The following CEP128 variants were observed in gnomAD, a reference collection of about 807,000 sequenced individuals.
The protein encoded by CEP128 is centrosomal protein 128kDa.
CEP128 carries 132 observed loss-of-function variants against 156.7 expected under a neutral mutation model. The ratio of observed to expected loss-of-function variants is 0.84; its 90% confidence interval spans 0.73 to 0.97. The LOEUF (loss-of-function observed/expected upper bound fraction) is 0.97. CEP128 is among the 50% of genes least tolerant of loss of function. The pLI, the probability that CEP128 is intolerant of heterozygous loss-of-function variation, is 0.00. For synonymous variants in CEP128, 469 were observed against 448.9 expected (o/e 1.04, Z -0.57); for missense variants, 1,252 against 1,281.9 (o/e 0.98, Z 0.36).
At chr14:80,795,059 T>C (rs929864275) in intron 13 of CEP128, among the ~76,000 whole-genome samples, 1 of 152,198 alleles carries the variant, frequency 6.6e-6, no homozygotes, top group Non-Finnish European at 1.5e-5. Context: ...CTGGAGTTAA[T>C]AACTTGCTCA....
chr14:80,842,704 T>C (rs774013851), intron 9 of CEP128, among the ~76,000 whole-genome samples: 1 of 151,902 alleles, frequency 6.6e-6, no homozygotes, highest in East Asian at 1.9e-4. Context: ...CTTAGACTTA[T>C]ATTAAAACGG....
intron 21 of CEP128, among the ~76,000 whole-genome samples, chr14:80,533,934 G>A (rs2140286798): frequency 6.6e-6 from 1 of 152,128 alleles, no homozygotes; most frequent in African/African-American, 2.4e-5. Context: ...TCACCCAGGG[G>A]AACAAAAGAT....
intron 19 of CEP128, among the ~76,000 whole-genome samples, chr14:80,635,143 C>G (rs1193333254): frequency 7.2e-5 from 11 of 152,186 alleles, no homozygotes; most frequent in Non-Finnish European, 1.5e-4. Context: ...TTCTCAAGAG[C>G]CTTATAGAAA....
chr14:80,885,821 C>T (rs945321105), intron 8 of CEP128, among the ~76,000 whole-genome samples: 14 of 152,046 alleles, frequency 9.2e-5, no homozygotes, highest in African/African-American at 3.4e-4. Flanking sequence ...TGGGTAACAA[C>T]AAATTCCTCT....
chr14:80,497,381 G>T lies in CEP128; in HGVS notation c.*98C>A. 1.3e-6 allele frequency: 1 copy of T among 752,320 alleles called. No individual in the cohort carries two copies. Among genetic ancestry groups the T allele is most frequent in the Non-Finnish European group, 2.2e-6 (1 of 448,344 alleles). 46.6% of individuals were successfully genotyped at this position (752,320 alleles called of 1,614,324 possible). A position where few individuals can be genotyped will look rare whatever the true frequency, so the allele number is the denominator to read the frequency against. On this transcript the variant is annotated 3_prime_UTR_variant, in exon 25 of 25. Transcript: ENST00000555265. ...GCAATACCAAAGAGCCAAAGCTGCA[G>T]GTATGTCTGTTAGATAATCTGGGCC... is the stretch of plus-strand genomic sequence containing the variant.
At chr14:80,485,329 G>T (rs1219646300) in intron 14 of CEP128, among the ~76,000 whole-genome samples, 1 of 151,958 alleles carries the variant, frequency 6.6e-6, no homozygotes, top group Non-Finnish European at 1.5e-5. Context: ...GAGGGTCTTG[G>T]CTCTCTTATT....
chr14:80,622,379 A>T, intron 19 of CEP128, among the ~76,000 whole-genome samples: 1 of 151,442 alleles, frequency 6.6e-6, no homozygotes, highest in South Asian at 2.1e-4. Flanking sequence ...AGGCATTACC[A>T]TTCAGGACAT....
chr14:80,780,634 T>C (rs1161881562), intron 15 of CEP128, among the ~76,000 whole-genome samples: 1 of 54,490 alleles, frequency 1.8e-5, no homozygotes, highest in Non-Finnish European at 4.5e-5. Flanking sequence ...AGCTTTGTTA[T>C]CATCTCACAA....
Position 80,566,288 on chromosome 14 carries a change from AT to A in CEP128, c.2857-6987del, listed in dbSNP as rs56905241. ...TATAGAATGAAATACAAATATATAT[AT>A]TTTTTCTCCTCAGCATTTCCCCATG... On this transcript the variant is annotated intron_variant, in intron 20 of 24. Coordinates refer to ENST00000555265, the MANE Select transcript of CEP128 (RefSeq NM_152446.5). Among the ~76,000 whole-genome samples the A allele has an allele frequency of 4.8e-3, 734 of 152,168 alleles. 13 individuals carry two copies. The highest frequency in any genetic ancestry group is 0.017 in the African/African-American group (691 of 41,498).
intron 16 of CEP128, among the ~76,000 whole-genome samples, chr14:80,767,943 T>C (rs1004410854): frequency 3.3e-5 from 5 of 152,180 alleles, no homozygotes; most frequent in African/African-American, 4.8e-5. Flanking sequence ...TGAGTACCTC[T>C]AATGTGAAGA....
intron 19 of CEP128, among the ~76,000 whole-genome samples, chr14:80,656,305 A>ATATATTTT (rs1328238450): frequency 1.9e-3 from 23 of 12,432 alleles, no homozygotes; most frequent in African/African-American, 7.6e-3. Flanking sequence ...ATATATATAT[A>ATATATTTT]TATATATATA....
chr14:80,916,645 C>A, intron 2 of CEP128, 83 bp from the exon 3 acceptor site: 1 of 1,113,030 alleles, frequency 9.0e-7, no homozygotes, highest in Non-Finnish European at 1.3e-6. Context: ...TACTTTTGAT[C>A]TCTTTTCTAT....
chr14:80,716,957 C>T (rs1897630157), intron 19 of CEP128, among the ~76,000 whole-genome samples: 1 of 152,150 alleles, frequency 6.6e-6, no homozygotes, highest in Non-Finnish European at 1.5e-5. Context: ...TGAGGCTTTG[C>T]TTTCCATTTC....
chr14:80,492,172 G>T (rs1887346684), downstream of CEP128, among the ~76,000 whole-genome samples: 1 of 152,138 alleles, frequency 6.6e-6, no homozygotes, highest in South Asian at 2.1e-4. Context: ...ACACATTTTG[G>T]GAACTGCTCT....
At chr14:80,547,217 T>C (rs1890022446) in intron 21 of CEP128, among the ~76,000 whole-genome samples, 1 of 152,190 alleles carries the variant, frequency 6.6e-6, no homozygotes, top group Non-Finnish European at 1.5e-5. Context: ...GAAACTCCAT[T>C]TACCAGTGAG....
chr14:80,927,302 T>C (rs1294139103), intron 2 of CEP128, among the ~76,000 whole-genome samples: 5 of 152,202 alleles, frequency 3.3e-5, no homozygotes, highest in Admixed American at 3.3e-4. Context: ...GAAAAGTATG[T>C]GGCTCTACCC....
chr14:80,866,205 A>C (rs898070714), intron 8 of CEP128, among the ~76,000 whole-genome samples: 1 of 152,018 alleles, frequency 6.6e-6, no homozygotes, highest in Non-Finnish European at 1.5e-5. Context: ...CCCAGGTACC[A>C]GGCCCATCCC....
intron 8 of CEP128, among the ~76,000 whole-genome samples, chr14:80,875,004 G>A (rs1888213872): frequency 6.6e-6 from 1 of 152,206 alleles, no homozygotes; most frequent in African/African-American, 2.4e-5. Context: ...AAACCGGAGA[G>A]AATGGTCTAT....
chr14:80,725,787 T>A (rs940969498), intron 19 of CEP128, among the ~76,000 whole-genome samples: 1 of 152,232 alleles, frequency 6.6e-6, no homozygotes, highest in African/African-American at 2.4e-5. Context: ...TAACATTAAC[T>A]CTAATTAATT....
Sources: gnomAD v4.1 joint callset for allele counts (sites outside exome capture counted in the v4.1 genomes callset) on GRCh38, gnomAD v4.1.1 for gene constraint, MANE v1.5 for transcripts, NCBI Gene and HGNC (gene_info 2026-07-23, HGNC 2026-07-21) for gene names.